SACS: variants seen among roughly 807,000 people sequenced by gnomAD.
The protein encoded by SACS is sacsin.
In SACS, 197 loss-of-function variants were observed where a neutral mutation model predicts 348.0. The ratio of observed to expected loss-of-function variants is 0.57; its 90% confidence interval spans 0.50 to 0.64. The LOEUF (loss-of-function observed/expected upper bound fraction) is 0.64, where lower values mean the gene tolerates loss of function less well. Among genes scored for constraint, SACS ranks in the 30% least tolerant of loss-of-function variants. The pLI is 0.00. For missense variants in SACS, 4,999 were observed against 5,360.8 expected, an observed-to-expected ratio of 0.93 and a Z score of 2.11; for synonymous variants, 1,985 against 1,910.6, an observed-to-expected ratio of 1.04 and a Z score of -1.02.
At chr13:23,350,915 G>A (rs1051250221) in intron 9 of SACS, among the ~76,000 whole-genome samples, 2 of 152,178 alleles carry the variant, frequency 1.3e-5, no homozygotes, top group African/African-American at 4.8e-5. Context: ...TTTAGTAGGG[G>A]CAGGACCTCT....
chr13:23,394,813 C>T (rs544821633), intron 2 of SACS, among the ~76,000 whole-genome samples: 3 of 152,194 alleles, frequency 2.0e-5, no homozygotes, highest in South Asian at 4.1e-4. Flanking sequence ...CGAGATCGCG[C>T]ACCTGCACTC....
intron 3 of SACS, among the ~76,000 whole-genome samples, chr13:23,372,631 C>T (rs2709230): frequency 0.88 from 133,687 of 152,200 alleles, 58,785 homozygotes; most frequent in East Asian, 1. Flanking sequence ...CACCTCTCCG[C>T]TTCCTAGTTT....
chr13:23,386,801 T>C lies in SACS; in HGVS notation c.21-11532A>G, dbSNP rs932166866. Reference sequence around the variant, plus strand: ...CTTTCACTTGAAGAGTTAGAGGCCATTATAGGGTTACTAGTTGGCCTAATT... The same window carrying C: ...CTTTCACTTGAAGAGTTAGAGGCCACTATAGGGTTACTAGTTGGCCTAATT... On this transcript the variant is annotated intron_variant, in intron 2 of 9. Transcript: ENST00000382292. 1.5e-4 allele frequency among the ~76,000 whole-genome samples: 23 copies of C among 152,232 alleles called. No homozygotes were observed. In the East Asian group the frequency reaches 4.1e-3, roughly 27 times the overall value.
chr13:23,427,503 A>G (rs901471530), intron 1 of SACS: 3 of 152,278 alleles, frequency 2.0e-5, no homozygotes, highest in Non-Finnish European at 4.4e-5. Flanking sequence ...GCACTACTGT[A>G]CATATGATCT....
rs1167193189 is a variant in SACS, at chr13:23,329,709, A to G, written c.*427T>C. 2 of 506,732 alleles carry G rather than the reference A, an allele frequency of 3.9e-6. No individual in the cohort carries two copies. The highest frequency in any genetic ancestry group is 6.9e-6 in the Non-Finnish European group (2 of 291,354). 31.4% of individuals were successfully genotyped at this position (506,732 alleles called of 1,614,324 possible). A position where few individuals can be genotyped will look rare whatever the true frequency, so the allele number is the denominator to read the frequency against. ...GAGGATCCACTTAAAAAAATGACAG[A>G]CTACAAAGACTTAATTCCCCTTATG... On this transcript the variant is annotated 3_prime_UTR_variant, in exon 10 of 10. Transcript: ENST00000382292.
intron 2 of SACS, among the ~76,000 whole-genome samples, chr13:23,376,804 C>T (rs1871825858): frequency 6.6e-6 from 1 of 152,198 alleles, no homozygotes; most frequent in Admixed American, 6.5e-5. Flanking sequence ...GTAATCCCAG[C>T]GCTTTGGGAG....
chr13:23,424,525 C>CAAA (rs36055133), intron 1 of SACS, among the ~76,000 whole-genome samples: 11 of 91,774 alleles, frequency 1.2e-4, no homozygotes, highest in South Asian at 3.9e-4. Context: ...AACTCTGTCT[C>CAAA]AAAAAAAAAA....
At chr13:23,430,604 C>T (rs930449660) in intron 1 of SACS, among the ~76,000 whole-genome samples, 20 of 152,020 alleles carry the variant, frequency 1.3e-4, no homozygotes, top group African/African-American at 4.1e-4. Context: ...ATTCTAGATA[C>T]GTATAGAATT....
intron 2 of SACS, among the ~76,000 whole-genome samples, chr13:23,379,631 C>G (rs552871008): frequency 6.6e-6 from 1 of 152,172 alleles, no homozygotes; most frequent in African/African-American, 2.4e-5. Flanking sequence ...GTTGAGTAAA[C>G]GTTAACTGTG....
At chr13:23,347,762 C>G (rs182146524) in intron 9 of SACS, among the ~76,000 whole-genome samples, 1 of 152,236 alleles carries the variant, frequency 6.6e-6, no homozygotes, top group Admixed American at 6.5e-5. Context: ...GAAAGATGAG[C>G]AGAGGTAGTG....
intron 2 of SACS, chr13:23,375,480 C>T: frequency 8.6e-7 from 1 of 1,156,926 alleles, no homozygotes; most frequent in Non-Finnish European, 1.1e-6. Context: ...ATGGCGCAGT[C>T]CCGTACGCAG....
intron 2 of SACS, among the ~76,000 whole-genome samples, chr13:23,403,134 C>A (rs1873055967): frequency 6.6e-6 from 1 of 151,372 alleles, no homozygotes; most frequent in African/African-American, 2.4e-5. Flanking sequence ...GCCGAGACTA[C>A]ACCACTGCAC....
chr13:23,350,197 CATT>C (rs1023935068), intron 9 of SACS, among the ~76,000 whole-genome samples: 1 of 152,142 alleles, frequency 6.6e-6, no homozygotes, highest in Non-Finnish European at 1.5e-5. Flanking sequence ...ACAGAAAAAT[CATT>C]AACTAGTGAC....
At chr13:23,411,998 G>T (rs948082589) in intron 1 of SACS, among the ~76,000 whole-genome samples, 15 of 152,200 alleles carry the variant, frequency 9.9e-5, no homozygotes, top group Non-Finnish European at 1.9e-4. Context: ...GGTGGCTCAC[G>T]CCTGTAATCC....
intron 6 of SACS, 92 bp from the exon 7 acceptor site, chr13:23,358,573 C>A: frequency 1.4e-6 from 2 of 1,397,342 alleles, no homozygotes; most frequent in Middle Eastern, 1.8e-4. Context: ...ATCTCTTATT[C>A]GAAGGGAAAA....
chr13:23,357,826 A>C (rs768059465), intron 7 of SACS, among the ~76,000 whole-genome samples: 1 of 152,242 alleles, frequency 6.6e-6, no homozygotes, highest in South Asian at 2.1e-4. Context: ...TAGAATGCTT[A>C]TAAGTCTAAA....
intron 2 of SACS, among the ~76,000 whole-genome samples, chr13:23,400,795 C>A (rs919513409): frequency 6.6e-6 from 1 of 152,162 alleles, no homozygotes; most frequent in Non-Finnish European, 1.5e-5. Context: ...ATGTTCAAAC[C>A]TCTTGATATT....
At chr13:23,403,290 G>T (rs11617072) in intron 2 of SACS, among the ~76,000 whole-genome samples, 2,577 of 152,276 alleles carry the variant, frequency 0.017, 29 homozygotes, top group South Asian at 0.03. Flanking sequence ...ATGAGTTAGG[G>T]AGGAGTCCCT....
chr13:23,417,176 T>G (rs929715727), intron 1 of SACS, among the ~76,000 whole-genome samples: 11 of 152,330 alleles, frequency 7.2e-5, no homozygotes, highest in African/African-American at 2.6e-4. Context: ...ATCTATGAAC[T>G]TTAATGAAAG....
Sources: allele counts gnomAD v4.1 joint callset (sites outside exome capture counted in the v4.1 genomes callset), GRCh38; gene constraint gnomAD v4.1.1; transcripts MANE v1.5; gene names NCBI Gene and HGNC (gene_info 2026-07-23, HGNC 2026-07-21).